The following EDA variants were observed in gnomAD, a reference collection of about 807,000 sequenced individuals.
EDA encodes ectodysplasin-A.
EDA carries 2 observed loss-of-function variants against 23.6 expected under a neutral mutation model. That is an observed-to-expected ratio of 0.08 (90% CI 0.03 to 0.27). The LOEUF (loss-of-function observed/expected upper bound fraction) is 0.27. Among genes scored for constraint, EDA ranks in the 10% least tolerant of loss-of-function variants. The probability of loss-of-function intolerance (pLI) is 1.00; values close to 1 mark genes in which losing one functional copy is unlikely to be tolerated. For missense variants in EDA, 229 were observed against 324.2 expected (o/e 0.71, Z 2.26); for synonymous variants, 131 against 132.0 (o/e 0.99, Z 0.05).
At chrX:69,947,062 T>A (rs2018843509) in intron 1 of EDA, among the ~76,000 whole-genome samples, 1 of 112,586 alleles carries the variant, frequency 8.9e-6, no homozygotes, top group Admixed American at 9.4e-5. Flanking sequence ...TTGCCTTTAG[T>A]GATTTCCAGG....
chrX:69,828,147 CTT>C (rs1383695360), intron 1 of EDA, among the ~76,000 whole-genome samples: 1 of 111,615 alleles, frequency 9.0e-6, no homozygotes, highest in African/African-American at 3.3e-5. Flanking sequence ...TTACTGCTGT[CTT>C]TTTGTTTGTC....
rs759238459 is a variant in EDA, at chrX:69,715,030, T to A, written c.396+98326T>A. Among the ~76,000 whole-genome samples the A allele has an allele frequency of 7.4e-5, 8 of 107,684 alleles. No homozygotes were observed. The East Asian group carries it at 2.1e-3, about 28-fold the overall frequency. The allele number at this position is 107,684 out of a possible 115,157, so 93.5% of individuals were successfully genotyped here. A position where few individuals can be genotyped will look rare whatever the true frequency, so the allele number is the denominator to read the frequency against. ...CCAATCAATGAACACAATATATCTA[T>A]CTATTTAGGTCTTTTAAAAATTCCT... On this transcript the variant is annotated intron_variant, in intron 1 of 7. Transcript: ENST00000374552.
intron 1 of EDA, among the ~76,000 whole-genome samples, chrX:69,844,891 A>T (rs2016974312): frequency 8.9e-6 from 1 of 112,124 alleles, no homozygotes; most frequent in Non-Finnish European, 1.9e-5. Flanking sequence ...CCCAGGAGTG[A>T]CCTCAGCGTA....
rs756747469 is a variant in EDA, at chrX:69,723,481, A to G, written c.396+106777A>G. Among the ~76,000 whole-genome samples the G allele has an allele frequency of 3.6e-5, 4 of 112,124 alleles. No homozygotes were observed. In the East Asian group the frequency reaches 1.1e-3, roughly 31 times the overall value. Reference sequence around the variant, plus strand: ...CTTGAACTTTCTGAACAGGAATCATATCTAATTTTATATTTTGTATAGTGC... The same window carrying G: ...CTTGAACTTTCTGAACAGGAATCATGTCTAATTTTATATTTTGTATAGTGC... On this transcript the variant is annotated intron_variant, in intron 1 of 7. Coordinates refer to ENST00000374552, the MANE Select transcript of EDA (RefSeq NM_001399.5).
In EDA at chrX:69,776,096, C is replaced by A. The variant is rs996526883; in HGVS notation, c.396+159392C>A. The stretch of plus-strand genomic sequence containing the variant: ...TCTTATAATGTATTAATGGTAGTTT[C>A]TTTTGCTGTGCAGAAGCTCTTTACT... On this transcript the variant is annotated intron_variant, in intron 1 of 7. Transcript: ENST00000374552. Among the ~76,000 whole-genome samples, 3 of 111,829 alleles carry A rather than the reference C, an allele frequency of 2.7e-5. No individual in the cohort carries two copies. The East Asian group carries it at 8.4e-4, about 31-fold the overall frequency.
chrX:69,739,426 T>A (rs1056620656), intron 1 of EDA, among the ~76,000 whole-genome samples: 22 of 110,576 alleles, frequency 2.0e-4, no homozygotes, highest in Non-Finnish European at 3.4e-4. Context: ...CCTTATTTTT[T>A]TAAAAAAAGT....
intron 1 of EDA, among the ~76,000 whole-genome samples, chrX:69,752,014 A>G (rs948922038): frequency 1.8e-5 from 2 of 111,074 alleles, no homozygotes; most frequent in Non-Finnish European, 3.8e-5. Flanking sequence ...CAATCATGTC[A>G]TCTGCAAACA....
chrX:69,945,528 G>A (rs1220795402), intron 1 of EDA, among the ~76,000 whole-genome samples: 1 of 112,062 alleles, frequency 8.9e-6, no homozygotes, highest in African/African-American at 3.2e-5. Context: ...TTAGTATAAA[G>A]CATTGAAATC....
At chrX:69,684,470 G>A (rs1934478779) in intron 1 of EDA, among the ~76,000 whole-genome samples, 1 of 111,924 alleles carries the variant, frequency 8.9e-6, no homozygotes, top group South Asian at 3.7e-4. Context: ...TTCTATTTGT[G>A]AAGATAAGCA....
intron 2 of EDA, among the ~76,000 whole-genome samples, chrX:69,990,683 A>G (rs772381529): frequency 9.3e-6 from 1 of 107,439 alleles, no homozygotes; most frequent in South Asian, 4.1e-4. Context: ...GTTTTCTCTC[A>G]TGCTGGGTTG....
intron 1 of EDA, among the ~76,000 whole-genome samples, chrX:69,909,617 C>T (rs2018229395): frequency 1.8e-5 from 2 of 112,669 alleles, no homozygotes; most frequent in African/African-American, 3.2e-5. Context: ...ATTATTTGTA[C>T]CATCAGAATG....
intron 1 of EDA, among the ~76,000 whole-genome samples, chrX:69,940,708 AG>A (rs1472389862): frequency 9.0e-6 from 1 of 111,504 alleles, no homozygotes; most frequent in Non-Finnish European, 1.9e-5. Flanking sequence ...ATTTTGATAC[AG>A]GCATGCAGTG....
chrX:70,015,200 A>G (rs758133345), intron 2 of EDA, among the ~76,000 whole-genome samples: 2 of 112,235 alleles, frequency 1.8e-5, no homozygotes, highest in Admixed American at 1.9e-4. Flanking sequence ...AGGTAACCCC[A>G]TCAGGCTAAC....
At chrX:69,678,297 T>C (rs769069464) in intron 1 of EDA, among the ~76,000 whole-genome samples, 2,624 of 109,067 alleles carry the variant, frequency 0.024, 51 homozygotes, top group Middle Eastern at 0.061. Context: ...ATTGACTTGG[T>C]GATGCGGGCT....
chrX:70,022,480 G>A (rs2020049036), intron 2 of EDA, among the ~76,000 whole-genome samples: 2 of 109,341 alleles, frequency 1.8e-5, no homozygotes, highest in African/African-American at 6.7e-5. Context: ...GGGACTACAG[G>A]CGCCCACCAC....
chrX:69,619,221 G>A (rs756791075), intron 1 of EDA, among the ~76,000 whole-genome samples: 1 of 112,092 alleles, frequency 8.9e-6, no homozygotes, highest in Non-Finnish European at 1.9e-5. Flanking sequence ...ACCCTTCAAC[G>A]GGCAGTACAT....
chrX:69,823,041 G>A (rs779451731), intron 1 of EDA, among the ~76,000 whole-genome samples: 7 of 98,840 alleles, frequency 7.1e-5, no homozygotes, highest in African/African-American at 2.3e-4. Context: ...ATTTTTTATG[G>A]CTGCATAGTA....
chrX:69,733,441 G>A (rs1408402539), intron 1 of EDA, among the ~76,000 whole-genome samples: 2 of 111,472 alleles, frequency 1.8e-5, no homozygotes, highest in Admixed American at 9.6e-5. Flanking sequence ...TGAGGGCTCT[G>A]TTCTATTCCG....
chrX:69,859,451 G>C (rs1171218253), intron 1 of EDA, among the ~76,000 whole-genome samples: 8 of 112,088 alleles, frequency 7.1e-5, no homozygotes, highest in African/African-American at 2.3e-4. Flanking sequence ...TAATTTCAAA[G>C]AACTTCTTGA....
Sources: allele counts gnomAD v4.1 joint callset (sites outside exome capture counted in the v4.1 genomes callset), GRCh38; gene constraint gnomAD v4.1.1; transcripts MANE v1.5; gene names NCBI Gene and HGNC (gene_info 2026-07-23, HGNC 2026-07-21).